HTRA3: variants seen among roughly 807,000 people sequenced by gnomAD.
The protein encoded by HTRA3 is serine protease HTRA3.
HTRA3 carries 41 observed loss-of-function variants against 43.2 expected under a neutral mutation model. The observed-to-expected ratio is 0.95, with a 90% CI of 0.74 to 1.23. The LOEUF is 1.23. Ranked by LOEUF, HTRA3 falls within the 50% of genes most tolerant of loss-of-function variation. The pLI, the probability that HTRA3 is intolerant of heterozygous loss-of-function variation, is 0.00. For missense variants in HTRA3, 628 were observed against 647.1 expected (o/e 0.97, Z 0.32); for synonymous variants, 295 against 287.9 (o/e 1.02, Z -0.25).
chr4:8,295,680 G>A lies in HTRA3; in HGVS notation c.1051+1479G>A. On this transcript the variant is annotated intron_variant, in intron 6 of 8. Transcript: ENST00000307358. The surrounding 1 kb of genome is among the most constrained non-coding windows in gnomAD (Gnocchi z 6.9). ...GCAACTCACACTTCCACATTGCTTT[G>A]CTGTCTCCTCCCAGCCCCCTCACTG... 7.1e-7 allele frequency: 1 copy of A among 1,417,614 alleles called. No individual in the cohort carries two copies. Among genetic ancestry groups the A allele is most frequent in the Non-Finnish European group, 9.2e-7 (1 of 1,083,372 alleles). 87.8% of individuals were successfully genotyped at this position (1,417,614 alleles called of 1,614,324 possible).
At chr4:8,290,780 G>A (rs139118986) in intron 3 of HTRA3, among the ~76,000 whole-genome samples, 661 of 152,316 alleles carry the variant, frequency 4.3e-3, no homozygotes, top group Middle Eastern at 0.02. Flanking sequence ...CTGGGCCCGC[G>A]CAAAAGCAGA....
chr4:8,283,620 A>G (rs1453250044), intron 2 of HTRA3, among the ~76,000 whole-genome samples: 1 of 152,220 alleles, frequency 6.6e-6, no homozygotes, highest in African/African-American at 2.4e-5. Flanking sequence ...GGGTGTGCAC[A>G]GAGCCGGCAA....
chr4:8,296,617 T>C lies in HTRA3; in HGVS notation c.1051+2416T>C. On this transcript the variant is annotated intron_variant, in intron 6 of 8. Transcript: ENST00000307358. This position sits in a 1 kb window ranked among gnomAD's most constrained non-coding sequence, Gnocchi z 5.3. ...GGGTAAAGAGTGGCCACCATGCATGTTGGGGGAGCCCCAGGAGGGCTTGGG... is the reference window on the plus strand; with the variant it reads ...GGGTAAAGAGTGGCCACCATGCATGCTGGGGGAGCCCCAGGAGGGCTTGGG... The C allele has an allele frequency of 7.6e-6, 6 of 789,034 alleles. No individual in the cohort carries two copies. Among genetic ancestry groups the C allele is most frequent in the Non-Finnish European group, 9.2e-6 (6 of 650,890 alleles). The allele number at this position is 789,034 out of a possible 1,614,324, so 48.9% of individuals were successfully genotyped here. A position where few individuals can be genotyped will look rare whatever the true frequency, so the allele number is the denominator to read the frequency against.
chr4:8,298,285 G>A (rs1485649800), intron 6 of HTRA3, among the ~76,000 whole-genome samples: 1 of 152,152 alleles, frequency 6.6e-6, no homozygotes, highest in African/African-American at 2.4e-5. Context: ...TCTCCCACAT[G>A]GTTTATTCAT....
Position 8,295,816 on chromosome 4 carries a change from A to C in HTRA3, c.1051+1615A>C. Reference sequence around the variant, plus strand: ...AAGGCTGGTGCCATGAGGGCTGGTCACATGAAGAGCTGCTGTTGAGGATGC... The same window carrying C: ...AAGGCTGGTGCCATGAGGGCTGGTCCCATGAAGAGCTGCTGTTGAGGATGC... On this transcript the variant is annotated intron_variant, in intron 6 of 8. Transcript: ENST00000307358. This position sits in a 1 kb window ranked among gnomAD's most constrained non-coding sequence, Gnocchi z 6.9. 8.0e-7 allele frequency: 1 copy of C among 1,246,020 alleles called. No homozygotes were observed. 77.2% of individuals were successfully genotyped at this position (1,246,020 alleles called of 1,614,324 possible).
chr4:8,304,401 G>T, intron 8 of HTRA3, 122 bp downstream of exon 8: 1 of 707,550 alleles, frequency 1.4e-6, no homozygotes, highest in East Asian at 2.7e-5. Context: ...AGGGGCAGGT[G>T]GATTCTAGCG....
chr4:8,301,231 TTTA>T (rs199779209), intron 6 of HTRA3, among the ~76,000 whole-genome samples: 1,767 of 149,368 alleles, frequency 0.012, 28 homozygotes, highest in African/African-American at 0.042. Context: ...CACAGACATC[TTTA>T]TTATTGATTC....
chr4:8,283,253 G>T (rs1291873851), intron 2 of HTRA3, among the ~76,000 whole-genome samples: 1 of 152,188 alleles, frequency 6.6e-6, no homozygotes, highest in Non-Finnish European at 1.5e-5. Flanking sequence ...AGGGAAGCGG[G>T]ATGTCCCAGC....
rs2153006787 is a variant in HTRA3 at position 8,297,125 on chromosome 4, G to C, written c.1051+2924G>C. Among the ~76,000 whole-genome samples the C allele has an allele frequency of 6.6e-6, 1 of 152,178 alleles. No homozygotes were observed. The highest frequency in any genetic ancestry group is 6.5e-5 in the Admixed American group (1 of 15,282). ...CCCTTGGTCTCAGGCCCCTGTGCTG[G>C]GTAGAGTCCTGAGTCCTTCCCAATA... On this transcript the variant is annotated intron_variant, in intron 6 of 8. Transcript: ENST00000307358. This position sits in a 1 kb window ranked among gnomAD's most constrained non-coding sequence, Gnocchi z 5.8.
chr4:8,272,594 G>A (rs1578785134), intron 1 of HTRA3, among the ~76,000 whole-genome samples: 2 of 152,258 alleles, frequency 1.3e-5, no homozygotes, highest in Non-Finnish European at 1.5e-5. Flanking sequence ...AGACCACGTT[G>A]TTTCATATGT....
intron 3 of HTRA3, among the ~76,000 whole-genome samples, chr4:8,287,112 C>A (rs1056684879): frequency 1.3e-5 from 2 of 152,232 alleles, no homozygotes; most frequent in South Asian, 2.1e-4. Context: ...ACTGGGGATG[C>A]ACCTGCCCCA....
At chr4:8,301,526 A>T (rs1359742329) in intron 6 of HTRA3, among the ~76,000 whole-genome samples, 1 of 151,986 alleles carries the variant, frequency 6.6e-6, no homozygotes, top group Non-Finnish European at 1.5e-5. Flanking sequence ...ATTAATTCAC[A>T]CTCAACTTTA....
At chr4:8,288,757 G>C (rs956269301) in intron 3 of HTRA3, among the ~76,000 whole-genome samples, 3 of 151,326 alleles carry the variant, frequency 2.0e-5, no homozygotes, top group African/African-American at 7.3e-5. Flanking sequence ...ATTTTTAGTA[G>C]AGATGGGTTT....
chr4:8,306,117 C>A lies in HTRA3; in HGVS notation c.1343C>A (p.Ala448Glu). 1 of 1,590,648 alleles carries A rather than the reference C, an allele frequency of 6.3e-7. No individual in the cohort carries two copies. Among genetic ancestry groups the A allele is most frequent in the African/African-American group, 1.3e-5 (1 of 74,622 alleles). ...RGNDDLLFSI[A>E]PEVVM ...AACGACGACCTCCTCTTCAGCATCG[C>A]ACCTGAGGTGGTCATGTGAGGGGCG... is the stretch of plus-strand genomic sequence containing the variant. Residue 448 changes from alanine (A) to glutamate (E), a missense_variant, in exon 9 of 9, where the codon GCA (alanine) becomes GAA (glutamate). Transcript: ENST00000307358. This position sits in a 1 kb window ranked among gnomAD's most constrained non-coding sequence, Gnocchi z 8.9.
chr4:8,301,070 T>C (rs1578807713), intron 6 of HTRA3, among the ~76,000 whole-genome samples: 1 of 151,774 alleles, frequency 6.6e-6, no homozygotes, highest in Non-Finnish European at 1.5e-5. Flanking sequence ...ATTCACACTC[T>C]TTATTATTGA....
intron 7 of HTRA3, among the ~76,000 whole-genome samples, chr4:8,302,959 G>C (rs1713717787): frequency 1.3e-5 from 2 of 152,142 alleles, no homozygotes; most frequent in South Asian, 4.1e-4. Context: ...GTCTTCACTT[G>C]ACCTTCTTTC....
Position 8,295,046 on chromosome 4 carries a change from C to A in HTRA3, c.1051+845C>A, listed in dbSNP as rs1366963549. On this transcript the variant is annotated intron_variant, in intron 6 of 8. Transcript: ENST00000307358. This position sits in a 1 kb window ranked among gnomAD's most constrained non-coding sequence, Gnocchi z 6.9. ...CCCACCTATCCACCCATTCACCCACCTGGCCACCATTTCTTCCTTCCTTTA... is the reference window on the plus strand; with the variant it reads ...CCCACCTATCCACCCATTCACCCACATGGCCACCATTTCTTCCTTCCTTTA... Among the ~76,000 whole-genome samples, 2 of 151,928 alleles carry A rather than the reference C, an allele frequency of 1.3e-5. No individual in the cohort carries two copies. The highest frequency in any genetic ancestry group is 2.9e-5 in the Non-Finnish European group (2 of 67,984).
At chr4:8,289,556 G>T (rs946244440) in intron 3 of HTRA3, among the ~76,000 whole-genome samples, 7 of 152,182 alleles carry the variant, frequency 4.6e-5, no homozygotes, top group African/African-American at 1.7e-4. Flanking sequence ...TATCCAGGTG[G>T]GCCTGAGCAG....
At chr4:8,278,406 A>G (rs1427075982) in intron 1 of HTRA3, among the ~76,000 whole-genome samples, 4 of 144,676 alleles carry the variant, frequency 2.8e-5, no homozygotes, top group South Asian at 2.2e-4. Context: ...AAAAAAAAAA[A>G]GGCTAACGGC....
Sources: allele counts gnomAD v4.1 joint callset (sites outside exome capture counted in the v4.1 genomes callset), GRCh38; gene constraint gnomAD v4.1.1; non-coding constraint Gnocchi (gnomAD v3.1); transcripts MANE v1.5; gene names NCBI Gene and HGNC (gene_info 2026-07-23, HGNC 2026-07-21).